Variants in MAMLD1 observed in about 807,000 individuals in gnomAD.
The protein encoded by MAMLD1 is mastermind-like domain-containing protein 1.
MAMLD1 carries 14 observed loss-of-function variants against 45.0 expected under a neutral mutation model. That is an observed-to-expected ratio of 0.31 (90% CI 0.21 to 0.49). The LOEUF is 0.49. Ranked by LOEUF, MAMLD1 falls within the 20% of genes least tolerant of loss-of-function variation. The probability of loss-of-function intolerance (pLI) is 0.99; values close to 1 mark genes in which losing one functional copy is unlikely to be tolerated. For missense variants in MAMLD1, 543 were observed against 603.6 expected (o/e 0.90, Z 1.05); for synonymous variants, 254 against 247.8 (o/e 1.02, Z -0.24).
chrX:150,440,865 TA>T (rs1443313010), intron 1 of MAMLD1, among the ~76,000 whole-genome samples: 8 of 104,875 alleles, frequency 7.6e-5, no homozygotes, highest in African/African-American at 2.0e-4. Context: ...ATTTATTTAA[TA>T]ATTAATAATA....
At chrX:150,423,348 CTGTGTGTGTGTGTGTG>C (rs1246327427) in intron 1 of MAMLD1, among the ~76,000 whole-genome samples, 1 of 7,827 alleles carries the variant, frequency 1.3e-4, no homozygotes, top group African/African-American at 1.5e-4. Flanking sequence ...ACATTATACT[CTGTGTGTGTGTGTGTG>C]TGTGTGTGTG....
intron 1 of MAMLD1, among the ~76,000 whole-genome samples, chrX:150,367,655 C>A (rs2031582230): frequency 9.0e-6 from 1 of 111,535 alleles, no homozygotes; most frequent in Non-Finnish European, 1.9e-5. Context: ...GTGTGCTGCA[C>A]CCATTAACTC....
At chrX:150,469,709 C>T (rs2036351904) in intron 3 of MAMLD1, 36 bp from the exon 4 acceptor site, 1 of 1,119,458 alleles carries the variant, frequency 8.9e-7, no homozygotes, top group African/African-American at 1.9e-5. Context: ...CTTCTCCTCT[C>T]CTCTCTTCTC....
intron 5 of MAMLD1, among the ~76,000 whole-genome samples, chrX:150,485,158 C>T (rs1308420181): frequency 1.8e-5 from 2 of 111,608 alleles, no homozygotes; most frequent in South Asian, 3.9e-4. Flanking sequence ...GTAGCAGCCA[C>T]ATCCCCCATC....
At chrX:150,467,735 G>T (rs944099807) in intron 3 of MAMLD1, among the ~76,000 whole-genome samples, 1 of 112,389 alleles carries the variant, frequency 8.9e-6, no homozygotes, top group Non-Finnish European at 1.9e-5. Context: ...TGGTGGAGGG[G>T]CCCTGCATCT....
intron 5 of MAMLD1, among the ~76,000 whole-genome samples, chrX:150,476,696 A>G (rs1268172938): frequency 8.8e-6 from 1 of 113,058 alleles, no homozygotes; most frequent in Non-Finnish European, 1.9e-5. Context: ...AAGGAGGCAC[A>G]TGATGTTGTT....
intron 6 of MAMLD1, among the ~76,000 whole-genome samples, chrX:150,508,880 C>T (rs1178473963): frequency 9.0e-6 from 1 of 111,648 alleles, no homozygotes; most frequent in Non-Finnish European, 1.9e-5. Context: ...GCAGAGATGG[C>T]CGGGCTCCCC....
intron 1 of MAMLD1, among the ~76,000 whole-genome samples, chrX:150,373,464 TCTCA>T (rs2124461401): frequency 1.3e-5 from 1 of 79,176 alleles, no homozygotes; most frequent in African/African-American, 4.9e-5. Flanking sequence ...TCTCTCTCTC[TCTCA>T]CACACACACA....
intron 1 of MAMLD1, among the ~76,000 whole-genome samples, chrX:150,426,945 C>G (rs1485044255): frequency 1.8e-5 from 2 of 112,124 alleles, no homozygotes; most frequent in Non-Finnish European, 3.8e-5. Context: ...TTGATTGTCT[C>G]ACAGTTCTGG....
chrX:150,402,943 G>C (rs1434398756), intron 1 of MAMLD1, among the ~76,000 whole-genome samples: 20 of 110,349 alleles, frequency 1.8e-4, no homozygotes, highest in African/African-American at 6.0e-4. Context: ...GAGGAAGGAG[G>C]GATGGCATTG....
chrX:150,464,933 C>T (rs2036170977), intron 3 of MAMLD1, among the ~76,000 whole-genome samples: 1 of 112,271 alleles, frequency 8.9e-6, no homozygotes, highest in African/African-American at 3.2e-5. Context: ...CTGAACTGAA[C>T]TGGTGAGGCA....
intron 5 of MAMLD1, among the ~76,000 whole-genome samples, chrX:150,478,291 T>A (rs2036645241): frequency 8.9e-6 from 1 of 112,321 alleles, no homozygotes; most frequent in Non-Finnish European, 1.9e-5. Context: ...AGACAGCAAG[T>A]GAGCCTTTTC....
chrX:150,371,513 A>G (rs1456036886), intron 1 of MAMLD1, among the ~76,000 whole-genome samples: 5 of 111,363 alleles, frequency 4.5e-5, no homozygotes, highest in Non-Finnish European at 9.4e-5. Flanking sequence ...CAGGTCAAAA[A>G]GGCCTGGTGG....
chrX:150,494,357 G>T (rs2037297252), intron 5 of MAMLD1, among the ~76,000 whole-genome samples: 1 of 111,558 alleles, frequency 9.0e-6, no homozygotes, highest in Admixed American at 9.5e-5. Flanking sequence ...TCATACCACT[G>T]CACTCCAGCC....
intron 2 of MAMLD1, among the ~76,000 whole-genome samples, chrX:150,458,858 G>A (rs1470938828): frequency 9.0e-6 from 1 of 111,151 alleles, no homozygotes; most frequent in Non-Finnish European, 1.9e-5. Context: ...TGCAGGGGGT[G>A]GGGTGTGAAA....
At chrX:150,480,105 GT>G (rs782730040) in intron 5 of MAMLD1, among the ~76,000 whole-genome samples, 3 of 111,719 alleles carry the variant, frequency 2.7e-5, no homozygotes, top group East Asian at 2.8e-4. Flanking sequence ...TCCACTCATG[GT>G]CCCATATCGT....
At position 150,445,508 on chromosome X, in the gene MAMLD1, G is replaced by C; in HGVS notation, c.-9G>C. ...TTGGAGAGTCAAGAATAAATTTGCA[G>C]GTCAAACAATGGATGACTGGAAAAG... On this transcript the variant is annotated 5_prime_UTR_variant, in exon 2 of 8. Transcript: ENST00000370401. The C allele has an allele frequency of 8.3e-7, 1 of 1,200,701 alleles. No homozygotes were observed. Among genetic ancestry groups the C allele is most frequent in the South Asian group, 1.8e-5 (1 of 56,622 alleles).
intron 1 of MAMLD1, among the ~76,000 whole-genome samples, chrX:150,441,033 A>G (rs1307101439): frequency 2.9e-5 from 3 of 104,938 alleles, no homozygotes; most frequent in Non-Finnish European, 5.8e-5. Context: ...TTTAATAATT[A>G]ATAATAATAA....
chrX:150,423,928 C>A (rs993581704), intron 1 of MAMLD1, among the ~76,000 whole-genome samples: 4 of 112,332 alleles, frequency 3.6e-5, no homozygotes, highest in African/African-American at 1.3e-4. Context: ...TTCAACTTTT[C>A]TTTTTCAAGA....
Sources: gnomAD v4.1 joint callset for allele counts (sites outside exome capture counted in the v4.1 genomes callset) on GRCh38, gnomAD v4.1.1 for gene constraint, MANE v1.5 for transcripts, NCBI Gene and HGNC (gene_info 2026-07-23, HGNC 2026-07-21) for gene names.